ABCA12: variants seen among roughly 807,000 people sequenced by gnomAD.
ABCA12 encodes the protein glucosylceramide transporter ABCA12.
A neutral mutation model predicts 293.5 loss-of-function variants in ABCA12; 156 were observed. That is an observed-to-expected ratio of 0.53 (90% CI 0.47 to 0.61). ABCA12 has a LOEUF of 0.61. ABCA12 is among the 20% of genes least tolerant of loss of function. The pLI is 0.00. For missense variants in ABCA12, 2,797 were observed against 3,090.2 expected (o/e 0.91, Z 2.25); for synonymous variants, 1,063 against 1,108.0 (o/e 0.96, Z 0.81).
chr2:215,019,068 A>T (rs1265532108), intron 13 of ABCA12, among the ~76,000 whole-genome samples: 1 of 152,230 alleles, frequency 6.6e-6, no homozygotes, highest in Admixed American at 6.5e-5. Flanking sequence ...TTAATATATC[A>T]GAGAAACGAA....
At chr2:214,978,697 T>C in intron 32 of ABCA12, 107 bp downstream of exon 32, 1 of 1,294,716 alleles carries the variant, frequency 7.7e-7, no homozygotes, top group South Asian at 1.3e-5. Flanking sequence ...GCTTTTCTAA[T>C]TTTGTGAACT....
intron 3 of ABCA12, among the ~76,000 whole-genome samples, chr2:215,060,858 C>G (rs1701513837): frequency 6.6e-6 from 1 of 152,042 alleles, no homozygotes; most frequent in African/African-American, 2.4e-5. Context: ...TCAAGTTCTG[C>G]AAGAGCCATA....
At chr2:215,100,557 A>G (rs939242379) in intron 2 of ABCA12, among the ~76,000 whole-genome samples, 1 of 45,088 alleles carries the variant, frequency 2.2e-5, no homozygotes, top group Non-Finnish European at 4.1e-5. Context: ...AGTTCCCATT[A>G]TGTGCAAAGT....
At position 215,099,433 on chromosome 2, in the gene ABCA12, G is replaced by A. The variant is rs368959409; in HGVS notation, c.163+12164C>T. 7.8e-4 allele frequency among the ~76,000 whole-genome samples: 119 copies of A among 152,318 alleles called. 1 individual carries two copies. Among genetic ancestry groups the A allele is most frequent in the African/African-American group, 2.5e-3 (105 of 41,578 alleles). On this transcript the variant is annotated intron_variant, in intron 2 of 52. Transcript: ENST00000272895. The stretch of plus-strand genomic sequence containing the variant: ...ACCCCAGCTGGGCGCGGTGGCTCAC[G>A]CCTGTAATCCCAGCATTTTAGGAAG...
intron 2 of ABCA12, among the ~76,000 whole-genome samples, chr2:215,065,678 T>A (rs1398199045): frequency 6.6e-6 from 1 of 151,958 alleles, no homozygotes; most frequent in East Asian, 1.9e-4. Flanking sequence ...AGAAGACAGC[T>A]TTTCTTCCAG....
intron 2 of ABCA12, among the ~76,000 whole-genome samples, chr2:215,097,820 T>C (rs749004705): frequency 6.6e-6 from 1 of 152,228 alleles, no homozygotes; most frequent in African/African-American, 2.4e-5. Flanking sequence ...TCCCTGTTAT[T>C]TACCTTCTGG....
chr2:215,076,901 T>A (rs2106089417), intron 2 of ABCA12, among the ~76,000 whole-genome samples: 1 of 152,350 alleles, frequency 6.6e-6, no homozygotes, highest in East Asian at 1.9e-4. Context: ...GGATGCTATT[T>A]ACATAACATT....
chr2:215,051,609 AG>A (rs1701321821), intron 5 of ABCA12, among the ~76,000 whole-genome samples: 4 of 121,356 alleles, frequency 3.3e-5, no homozygotes, highest in African/African-American at 1.1e-4. Context: ...TAAAAACGCT[AG>A]TGTGTGTGTG....
chr2:214,943,347 G>A (rs142274227), intron 49 of ABCA12, among the ~76,000 whole-genome samples: 6 of 151,914 alleles, frequency 3.9e-5, no homozygotes, highest in African/African-American at 1.4e-4. Context: ...GTCTTGCCAT[G>A]TTGCCCAGAC....
intron 34 of ABCA12, 63 bp from the exon 35 acceptor site, chr2:214,974,927 A>T: frequency 7.1e-7 from 1 of 1,402,072 alleles, no homozygotes; most frequent in Admixed American, 1.7e-5. Flanking sequence ...TATTAAAATC[A>T]TGCTTGAAGA....
intron 41 of ABCA12, 64 bp from the exon 42 acceptor site, chr2:214,956,842 A>G (rs531889065): frequency 1.1e-5 from 13 of 1,164,060 alleles, no homozygotes; most frequent in East Asian, 4.7e-5. Flanking sequence ...AAAAAAATCA[A>G]TAACCCATCT....
chr2:215,105,517 T>C (rs1702445782), intron 2 of ABCA12, among the ~76,000 whole-genome samples: 2 of 151,544 alleles, frequency 1.3e-5, no homozygotes, highest in Non-Finnish European at 2.9e-5. Flanking sequence ...TGGGCCCAAA[T>C]AGTATTCTAG....
chr2:215,014,561 AGG>A (rs1037739916), intron 15 of ABCA12, among the ~76,000 whole-genome samples: 1 of 152,154 alleles, frequency 6.6e-6, no homozygotes, highest in African/African-American at 2.4e-5. Context: ...TTTGAGCAGA[AGG>A]GTGATATAAT....
chr2:214,987,714 C>T lies in ABCA12; in HGVS notation c.3909G>A (p.Val1303=). 6.2e-7 allele frequency: 1 copy of T among 1,614,076 alleles called. No individual in the cohort carries two copies. Among genetic ancestry groups the T allele is most frequent in the Non-Finnish European group, 8.5e-7 (1 of 1,179,990 alleles). ...YWKERFGCAE[V]KPEKSNGLMF... is the part of the protein sequence containing the mutation. ...TGAGGCCATTGCTCTTCTCAGGCTT[C>T]ACCTCTGCACACCCAAATCGCTCCT... Residue 1303 remains valine (V), a synonymous_variant, in exon 27 of 53, where the codon GTG becomes GTA. Coordinates refer to ENST00000272895, the MANE Select transcript of ABCA12 (RefSeq NM_173076.3).
At chr2:215,126,297 A>T (rs1201411318) in intron 1 of ABCA12, among the ~76,000 whole-genome samples, 1 of 152,120 alleles carries the variant, frequency 6.6e-6, no homozygotes, top group Non-Finnish European at 1.5e-5. Context: ...TATTAAGATG[A>T]TGCTGACTTC....
intron 8 of ABCA12, among the ~76,000 whole-genome samples, chr2:215,035,558 C>G (rs753362871): frequency 6.7e-6 from 1 of 149,030 alleles, no homozygotes; most frequent in Admixed American, 6.8e-5. Flanking sequence ...CCCAGCTACT[C>G]GGGAGGCTGA....
chr2:215,091,198 A>G (rs1467421893), intron 2 of ABCA12, among the ~76,000 whole-genome samples: 2 of 151,628 alleles, frequency 1.3e-5, no homozygotes, highest in Non-Finnish European at 1.5e-5. Flanking sequence ...CTCTTTTTCT[A>G]TGGGCCCATC....
chr2:215,073,579 G>T (rs548610202), intron 2 of ABCA12, among the ~76,000 whole-genome samples: 1 of 152,088 alleles, frequency 6.6e-6, no homozygotes, highest in Non-Finnish European at 1.5e-5. Flanking sequence ...CGCCCCCACC[G>T]AGATATTCTC....
chr2:215,119,815 A>G (rs1702766589), intron 1 of ABCA12, among the ~76,000 whole-genome samples: 1 of 152,000 alleles, frequency 6.6e-6, no homozygotes. Context: ...ACACTTATCT[A>G]CTGTTGATGG....
Sources: gnomAD v4.1 joint callset for allele counts (sites outside exome capture counted in the v4.1 genomes callset) on GRCh38, gnomAD v4.1.1 for gene constraint, MANE v1.5 for transcripts, NCBI Gene and HGNC (gene_info 2026-07-23, HGNC 2026-07-21) for gene names.